Variants in FNBP1L observed in about 807,000 individuals in gnomAD.
FNBP1L encodes formin binding protein 1 like.
In FNBP1L, 36 loss-of-function variants were observed where a neutral mutation model predicts 91.2. That is an observed-to-expected ratio of 0.39 (90% CI 0.30 to 0.52). The LOEUF (loss-of-function observed/expected upper bound fraction) is 0.52. Among genes scored for constraint, FNBP1L ranks in the 20% least tolerant of loss-of-function variants. FNBP1L has a pLI of 0.66. For synonymous variants in FNBP1L, 242 were observed against 237.0 expected, an observed-to-expected ratio of 1.02 and a Z score of -0.19; for missense variants, 571 against 732.1, an observed-to-expected ratio of 0.78 and a Z score of 2.54.
At chr1:93,517,858 G>A (rs1365402626) in intron 2 of FNBP1L, among the ~76,000 whole-genome samples, 1 of 151,922 alleles carries the variant, frequency 6.6e-6, no homozygotes, top group Non-Finnish European at 1.5e-5. Context: ...CAGATTTGAG[G>A]AAGGTTTTGG....
At chr1:93,533,293 C>G (rs569650501) in intron 8 of FNBP1L, among the ~76,000 whole-genome samples, 7 of 151,516 alleles carry the variant, frequency 4.6e-5, no homozygotes, top group Non-Finnish European at 8.8e-5. Context: ...TAACTCTCTT[C>G]TCCCACTAAG....
intron 10 of FNBP1L, among the ~76,000 whole-genome samples, chr1:93,537,503 A>G (rs565791986): frequency 1.3e-5 from 2 of 152,088 alleles, no homozygotes; most frequent in South Asian, 2.1e-4. Flanking sequence ...GATTACATCT[A>G]TATTGCTTTA....
chr1:93,537,366 C>G (rs1274801244), intron 10 of FNBP1L, among the ~76,000 whole-genome samples: 3 of 151,514 alleles, frequency 2.0e-5, no homozygotes, highest in Admixed American at 2.0e-4. Context: ...CTTCTTAGAC[C>G]CTTCCCTCCC....
intron 2 of FNBP1L, among the ~76,000 whole-genome samples, chr1:93,501,595 T>G (rs1370139763): frequency 6.6e-6 from 1 of 152,012 alleles, no homozygotes; most frequent in East Asian, 1.9e-4. Context: ...CCCAGACACC[T>G]CCCATTAGGC....
chr1:93,539,770 T>TGTGG (rs113887531), intron 10 of FNBP1L, among the ~76,000 whole-genome samples: 5,676 of 152,172 alleles, frequency 0.037, 324 homozygotes, highest in African/African-American at 0.13. Context: ...CAAAATAAAT[T>TGTGG]TTTTTGTTTC....
chr1:93,483,026 A>C (rs570372813), intron 1 of FNBP1L, among the ~76,000 whole-genome samples: 59 of 133,112 alleles, frequency 4.4e-4, no homozygotes, highest in African/African-American at 1.7e-3. Flanking sequence ...TAAAAAAAAC[A>C]AAAAAAACAA....
At chr1:93,472,410 G>A (rs769197217) in intron 1 of FNBP1L, among the ~76,000 whole-genome samples, 27 of 152,160 alleles carry the variant, frequency 1.8e-4, no homozygotes, top group South Asian at 1.5e-3. Context: ...TATAAATTCA[G>A]ATATTTCTGT....
chr1:93,448,266 G>A lies in FNBP1L; in HGVS notation c.-16G>A, dbSNP rs1430809351. On this transcript the variant is annotated 5_prime_UTR_variant, in exon 1 of 17. Transcript: ENST00000271234. ...TGAAGGACAGCGGCACCGCCAGACG[G>A]CCAGAAAGTTCCGCCATGAGCTGGG... 27 of 1,520,138 alleles carry A rather than the reference G, an allele frequency of 1.8e-5. No individual in the cohort carries two copies. Among genetic ancestry groups the A allele is most frequent in the Non-Finnish European group, 2.3e-5 (26 of 1,133,690 alleles). The allele number at this position is 1,520,138 out of a possible 1,614,324, so 94.2% of individuals were successfully genotyped here. A position where few individuals can be genotyped will look rare whatever the true frequency, so the allele number is the denominator to read the frequency against.
At chr1:93,546,044 A>C (rs1331947798) in intron 12 of FNBP1L, among the ~76,000 whole-genome samples, 2 of 152,124 alleles carry the variant, frequency 1.3e-5, no homozygotes, top group Non-Finnish European at 2.9e-5. Flanking sequence ...TTTGAAAATC[A>C]TCTGAAGATG....
intron 1 of FNBP1L, among the ~76,000 whole-genome samples, chr1:93,461,398 A>G (rs1668856047): frequency 6.6e-6 from 1 of 152,180 alleles, no homozygotes; most frequent in South Asian, 2.1e-4. Context: ...AGCTTGTCTT[A>G]TGTAACAAGA....
At chr1:93,492,126 G>A (rs925360988) in intron 1 of FNBP1L, among the ~76,000 whole-genome samples, 1 of 152,184 alleles carries the variant, frequency 6.6e-6, no homozygotes, top group African/African-American at 2.4e-5. Context: ...TTGAGTACTG[G>A]AGAAAATAAG....
At chr1:93,475,159 G>A (rs886427784) in intron 1 of FNBP1L, among the ~76,000 whole-genome samples, 3 of 152,012 alleles carry the variant, frequency 2.0e-5, no homozygotes, top group African/African-American at 7.2e-5. Context: ...AATATATAGA[G>A]CTGCAGTTTG....
At chr1:93,511,140 A>G (rs185149279) in intron 2 of FNBP1L, among the ~76,000 whole-genome samples, 14 of 152,350 alleles carry the variant, frequency 9.2e-5, no homozygotes, top group African/African-American at 2.2e-4. Flanking sequence ...AGCAACTCCA[A>G]GACATATAAT....
chr1:93,494,857 T>C (rs1203532963), intron 1 of FNBP1L, among the ~76,000 whole-genome samples: 2 of 152,202 alleles, frequency 1.3e-5, no homozygotes, highest in Non-Finnish European at 2.9e-5. Context: ...ACGTCTTACA[T>C]GGGAGCAGGC....
intron 1 of FNBP1L, among the ~76,000 whole-genome samples, chr1:93,487,396 C>A (rs1669945393): frequency 6.6e-6 from 1 of 152,144 alleles, no homozygotes; most frequent in African/African-American, 2.4e-5. Context: ...TATAGTTTGT[C>A]AAGTAAATTT....
chr1:93,524,207 GTTTT>G, intron 4 of FNBP1L, 50 bp from the exon 5 acceptor site: 1 of 1,335,532 alleles, frequency 7.5e-7, no homozygotes, highest in Non-Finnish European at 9.8e-7. Context: ...ATTTTTATTT[GTTTT>G]TGTTTTATTT....
chr1:93,522,238 TAA>T, intron 3 of FNBP1L, 103 bp downstream of exon 3: 1 of 497,542 alleles, frequency 2.0e-6, no homozygotes, highest in Non-Finnish European at 3.1e-6. Flanking sequence ...AAAGATTTTA[TAA>T]AGTTTAATTT....
At chr1:93,460,230 G>T (rs1668816525) in intron 1 of FNBP1L, among the ~76,000 whole-genome samples, 1 of 152,108 alleles carries the variant, frequency 6.6e-6, no homozygotes, top group Non-Finnish European at 1.5e-5. Context: ...CTTATAAAAG[G>T]ACTTGAAGGA....
chr1:93,544,942 A>G (rs937327233), intron 12 of FNBP1L, among the ~76,000 whole-genome samples: 2 of 152,142 alleles, frequency 1.3e-5, no homozygotes, highest in African/African-American at 4.8e-5. Flanking sequence ...ATACTGAAAC[A>G]TTGCTCTTAG....
Sources: allele counts gnomAD v4.1 joint callset (sites outside exome capture counted in the v4.1 genomes callset), GRCh38; gene constraint gnomAD v4.1.1; transcripts MANE v1.5; gene names NCBI Gene and HGNC (gene_info 2026-07-23, HGNC 2026-07-21).